PDZRN3: variants seen among roughly 807,000 people sequenced by gnomAD.
PDZRN3 encodes PDZ domain containing ring finger 3.
In PDZRN3, 38 loss-of-function variants were observed where a neutral mutation model predicts 85.7. The observed-to-expected ratio is 0.44, with a 90% CI of 0.34 to 0.58. PDZRN3 has a LOEUF of 0.58. PDZRN3 is among the 20% of genes least tolerant of loss of function. PDZRN3 has a pLI of 0.01. For missense variants in PDZRN3, 1,629 were observed against 1,506.4 expected, an observed-to-expected ratio of 1.08 and a Z score of -1.35; for synonymous variants, 759 against 638.0, an observed-to-expected ratio of 1.19 and a Z score of -2.86.
chr3:73,459,401 T>C (rs1349860262), intron 3 of PDZRN3, among the ~76,000 whole-genome samples: 1 of 152,182 alleles, frequency 6.6e-6, no homozygotes. Context: ...CAGGTTTGTT[T>C]TATAGGTAAA....
intron 3 of PDZRN3, among the ~76,000 whole-genome samples, chr3:73,594,732 GTAGTAAAGACTAT>G (rs1334440346): frequency 6.6e-6 from 1 of 152,116 alleles, no homozygotes; most frequent in African/African-American, 2.4e-5. Flanking sequence ...TTCTGTTGCT[GTAGTAAAGACTAT>G]TAAGGTAAAG....
chr3:73,474,385 T>G (rs1703407737), intron 3 of PDZRN3: 5 of 899,400 alleles, frequency 5.6e-6, no homozygotes, highest in South Asian at 3.1e-5. Flanking sequence ...CGGTGGTGTA[T>G]AATGAGCAAA....
At chr3:73,447,041 CTA>C (rs148063336) in intron 3 of PDZRN3, among the ~76,000 whole-genome samples, 104 of 140,968 alleles carry the variant, frequency 7.4e-4, no homozygotes, top group African/African-American at 2.7e-3. Context: ...AACCTCTTGA[CTA>C]TATATATATA....
chr3:73,408,247 T>C (rs1701894068), intron 3 of PDZRN3: 1 of 702,200 alleles, frequency 1.4e-6, no homozygotes, highest in South Asian at 1.5e-5. Context: ...TGTTCTCAGT[T>C]CCAGTTTTCT....
At position 73,415,476 on chromosome 3, in the gene PDZRN3, T is replaced by C. The variant is rs540200861; in HGVS notation, c.919-11081A>G. ...TATTTTCTATTGTTTATACTTAAGA[T>C]GTACAGCATATTTTGCTATACAGAT... On this transcript the variant is annotated intron_variant, in intron 3 of 9. Coordinates refer to ENST00000263666, the MANE Select transcript of PDZRN3 (RefSeq NM_015009.3). Among the ~76,000 whole-genome samples, 6 of 152,348 alleles carry C rather than the reference T, an allele frequency of 3.9e-5. No individual in the cohort carries two copies. In the South Asian group the frequency reaches 1.2e-3, roughly 32 times the overall value.
intron 3 of PDZRN3, among the ~76,000 whole-genome samples, chr3:73,534,395 CTT>C (rs1279154984): frequency 1.3e-5 from 2 of 152,214 alleles, no homozygotes; most frequent in African/African-American, 2.4e-5. Flanking sequence ...TTCCGTCTCT[CTT>C]TTTTTGAATT....
chr3:73,442,375 G>C (rs948176791), intron 3 of PDZRN3, among the ~76,000 whole-genome samples: 1 of 152,178 alleles, frequency 6.6e-6, no homozygotes, highest in Non-Finnish European at 1.5e-5. Context: ...TTAGCTGCAA[G>C]GGGAGAGACC....
At chr3:73,509,758 T>A (rs1575699264) in intron 3 of PDZRN3, among the ~76,000 whole-genome samples, 2 of 152,328 alleles carry the variant, frequency 1.3e-5, no homozygotes, top group African/African-American at 2.4e-5. Flanking sequence ...GATTGAATAA[T>A]CAATTCTTGC....
At chr3:73,582,322 G>A (rs1477000876) in intron 3 of PDZRN3, among the ~76,000 whole-genome samples, 1 of 151,648 alleles carries the variant, frequency 6.6e-6, no homozygotes, top group East Asian at 1.9e-4. Context: ...TTAATCTGGG[G>A]GATGGTGCAT....
At chr3:73,588,626 A>T (rs1258315213) in intron 3 of PDZRN3, among the ~76,000 whole-genome samples, 1 of 152,204 alleles carries the variant, frequency 6.6e-6, no homozygotes, top group Non-Finnish European at 1.5e-5. Flanking sequence ...CAAAGACCAG[A>T]GTTTTCAGCT....
At chr3:73,478,729 T>C (rs1165267415) in intron 3 of PDZRN3, among the ~76,000 whole-genome samples, 5 of 152,176 alleles carry the variant, frequency 3.3e-5, no homozygotes, top group Non-Finnish European at 5.9e-5. Context: ...GTAGTTGTAA[T>C]AGTTGTAAAA....
At chr3:73,563,961 T>C (rs569588514) in intron 3 of PDZRN3, among the ~76,000 whole-genome samples, 2 of 152,266 alleles carry the variant, frequency 1.3e-5, no homozygotes, top group African/African-American at 4.8e-5. Context: ...ATTAGTGTAA[T>C]TATTACCATG....
At chr3:73,559,272 C>T (rs540262486) in intron 3 of PDZRN3, among the ~76,000 whole-genome samples, 1 of 152,280 alleles carries the variant, frequency 6.6e-6, no homozygotes, top group Non-Finnish European at 1.5e-5. Flanking sequence ...TTGTTTTAAA[C>T]ACAGTTTCAC....
intron 3 of PDZRN3, among the ~76,000 whole-genome samples, chr3:73,564,509 T>C (rs2106837479): frequency 6.6e-6 from 1 of 152,268 alleles, no homozygotes; most frequent in Non-Finnish European, 1.5e-5. Flanking sequence ...TTGAGGTTTC[T>C]TCTCCGCCCT....
At chr3:73,594,255 T>C (rs1702401940) in intron 3 of PDZRN3, among the ~76,000 whole-genome samples, 1 of 152,172 alleles carries the variant, frequency 6.6e-6, no homozygotes, top group Non-Finnish European at 1.5e-5. Flanking sequence ...GGTCATCTTG[T>C]TAATTCTGGA....
intron 3 of PDZRN3, among the ~76,000 whole-genome samples, chr3:73,540,964 T>C (rs915234564): frequency 6.6e-6 from 1 of 152,222 alleles, no homozygotes; most frequent in African/African-American, 2.4e-5. Flanking sequence ...TCTTAAACTA[T>C]ACCTTACTGT....
At chr3:73,527,587 GA>G (rs145313630) in intron 3 of PDZRN3, among the ~76,000 whole-genome samples, 62 of 149,860 alleles carry the variant, frequency 4.1e-4, no homozygotes, top group Middle Eastern at 3.4e-3. Context: ...TCTAGGACAT[GA>G]AAAAAAAAAT....
chr3:73,542,852 C>T (rs2106785724), intron 3 of PDZRN3, among the ~76,000 whole-genome samples: 1 of 152,286 alleles, frequency 6.6e-6, no homozygotes, highest in East Asian at 1.9e-4. Flanking sequence ...CACATATATA[C>T]ATTAACTTCA....
intron 3 of PDZRN3, among the ~76,000 whole-genome samples, chr3:73,480,768 T>C (rs1385857174): frequency 7.2e-5 from 11 of 152,228 alleles, no homozygotes; most frequent in Admixed American, 7.2e-4. Flanking sequence ...AGATGATATA[T>C]CTGTCTAAAG....
Sources: gnomAD v4.1 joint callset for allele counts (sites outside exome capture counted in the v4.1 genomes callset) on GRCh38, gnomAD v4.1.1 for gene constraint, MANE v1.5 for transcripts, NCBI Gene and HGNC (gene_info 2026-07-23, HGNC 2026-07-21) for gene names.